Variants in FBXL7 observed in about 807,000 individuals in gnomAD.
FBXL7 encodes F-box and leucine rich repeat protein 7.
FBXL7 carries 12 observed loss-of-function variants against 38.3 expected under a neutral mutation model. The observed-to-expected ratio is 0.31, with a 90% CI of 0.20 to 0.51. FBXL7 has a LOEUF of 0.51. FBXL7 is among the 20% of genes least tolerant of loss of function. FBXL7 has a pLI of 0.98. For synonymous variants in FBXL7, 297 were observed against 300.9 expected, an observed-to-expected ratio of 0.99 and a Z score of 0.13; for missense variants, 567 against 676.4, an observed-to-expected ratio of 0.84 and a Z score of 1.79.
intron 2 of FBXL7, among the ~76,000 whole-genome samples, chr5:15,657,508 A>G (rs1251378360): frequency 6.6e-6 from 1 of 152,214 alleles, no homozygotes; most frequent in Non-Finnish European, 1.5e-5. Flanking sequence ...AATGAAATTG[A>G]GAGAACTGGC....
chr5:15,877,056 G>C (rs566983288), intron 2 of FBXL7, among the ~76,000 whole-genome samples: 5 of 152,256 alleles, frequency 3.3e-5, no homozygotes, highest in African/African-American at 1.2e-4. Flanking sequence ...AATTCAGAAA[G>C]GTCAGCTGGC....
chr5:15,906,324 T>C (rs186065303), intron 2 of FBXL7, among the ~76,000 whole-genome samples: 1 of 152,194 alleles, frequency 6.6e-6, no homozygotes, highest in East Asian at 1.9e-4. Flanking sequence ...TAAGTATCTT[T>C]CTAAAGAGAA....
intron 2 of FBXL7, among the ~76,000 whole-genome samples, chr5:15,755,213 A>C (rs75794191): frequency 0.01 from 1,534 of 152,330 alleles, 31 homozygotes; most frequent in African/African-American, 0.035. Flanking sequence ...AGGAGAAATT[A>C]AATTGTATTT....
intron 2 of FBXL7, among the ~76,000 whole-genome samples, chr5:15,739,180 C>T (rs1048181811): frequency 1.3e-5 from 2 of 152,116 alleles, no homozygotes; most frequent in African/African-American, 4.8e-5. Context: ...GGTTCTTCCC[C>T]GCATCTCCAG....
chr5:15,519,888 G>T (rs1178957598), intron 1 of FBXL7, among the ~76,000 whole-genome samples: 2 of 152,144 alleles, frequency 1.3e-5, no homozygotes, highest in Non-Finnish European at 2.9e-5. Flanking sequence ...AATTCAGGGC[G>T]AGTCCATACA....
chr5:15,595,975 A>G (rs915483375), intron 1 of FBXL7, among the ~76,000 whole-genome samples: 3 of 152,232 alleles, frequency 2.0e-5, no homozygotes, highest in African/African-American at 7.2e-5. Context: ...TGAAATAACA[A>G]GATCGCAGAA....
chr5:15,937,870 CCA>C lies in FBXL7; in HGVS notation c.*689_*690del, dbSNP rs1346088928. 6.6e-6 allele frequency: 1 copy of C among 152,428 alleles called. No homozygotes were observed. The highest frequency in any genetic ancestry group is 1.5e-5 in the Non-Finnish European group (1 of 68,310). The allele number at this position is 152,428 out of a possible 1,614,324, so 9.4% of individuals were successfully genotyped here. Reference sequence around the variant, plus strand: ...GCAGCTTCCAGCACTGAATCAGAGGCCACACAGCCCAAAGATTAGCTTCATGT... The same window carrying C: ...GCAGCTTCCAGCACTGAATCAGAGGCCACAGCCCAAAGATTAGCTTCATGT... On this transcript the variant is annotated 3_prime_UTR_variant, in exon 4 of 4. Coordinates refer to ENST00000504595, the MANE Select transcript of FBXL7 (RefSeq NM_012304.5).
intron 2 of FBXL7, among the ~76,000 whole-genome samples, chr5:15,735,035 G>C (rs146447373): frequency 1.7e-4 from 26 of 152,250 alleles, no homozygotes; most frequent in African/African-American, 6.0e-4. Flanking sequence ...GGGTTCAAGC[G>C]ATTCTCCTGC....
chr5:15,832,037 A>AAT (rs2126774742), intron 2 of FBXL7, among the ~76,000 whole-genome samples: 1 of 152,214 alleles, frequency 6.6e-6, no homozygotes, highest in South Asian at 2.1e-4. Flanking sequence ...TTGTGCTATA[A>AAT]ACTCTCTACT....
chr5:15,633,891 C>T (rs952756324), intron 2 of FBXL7, among the ~76,000 whole-genome samples: 1 of 151,928 alleles, frequency 6.6e-6, no homozygotes. Flanking sequence ...AGCAGTTCTC[C>T]TGCCTCAGCC....
rs188848639 is a variant in FBXL7 at position 15,915,247 on chromosome 5, C to G, written c.128-12643C>G. 2.1e-3 allele frequency among the ~76,000 whole-genome samples: 327 copies of G among 152,308 alleles called. 1 individual carries two copies. Among genetic ancestry groups the G allele is most frequent in the Non-Finnish European group, 3.9e-3 (263 of 68,024 alleles). ...GAAAGAGCTGTACTGGCTTCCTGGG[C>G]TGCTGTAACAAAATACTGCAAACTA... On this transcript the variant is annotated intron_variant, in intron 2 of 3. Transcript: ENST00000504595.
At chr5:15,586,188 C>T (rs919179241) in intron 1 of FBXL7, among the ~76,000 whole-genome samples, 1 of 151,966 alleles carries the variant, frequency 6.6e-6, no homozygotes, top group African/African-American at 2.4e-5. Flanking sequence ...GGTTTGGGAG[C>T]CAGCGTTAGC....
chr5:15,650,908 A>G (rs563022246), intron 2 of FBXL7, among the ~76,000 whole-genome samples: 2 of 152,224 alleles, frequency 1.3e-5, no homozygotes, highest in African/African-American at 4.8e-5. Flanking sequence ...CCTCAAAGCC[A>G]TCCATGAGGT....
At chr5:15,609,538 C>G (rs796678255) in intron 1 of FBXL7, among the ~76,000 whole-genome samples, 3 of 152,288 alleles carry the variant, frequency 2.0e-5, no homozygotes, top group African/African-American at 7.2e-5. Context: ...TTCCTAATGC[C>G]AAGTTCTGAC....
intron 3 of FBXL7, among the ~76,000 whole-genome samples, chr5:15,929,948 A>C (rs747369433): frequency 6.6e-6 from 1 of 152,218 alleles, no homozygotes; most frequent in Non-Finnish European, 1.5e-5. Flanking sequence ...CAAGCATCTG[A>C]GGCCAGTGAT....
intron 2 of FBXL7, among the ~76,000 whole-genome samples, chr5:15,760,436 A>G (rs553600932): frequency 2.0e-5 from 3 of 152,206 alleles, no homozygotes; most frequent in African/African-American, 7.2e-5. Flanking sequence ...CAAAAAAAAA[A>G]AAAAGAAAAA....
At chr5:15,665,477 T>C (rs1742240175) in intron 2 of FBXL7, among the ~76,000 whole-genome samples, 1 of 152,206 alleles carries the variant, frequency 6.6e-6, no homozygotes, top group African/African-American at 2.4e-5. Flanking sequence ...TTAGGTTGCT[T>C]TATGAGTTCA....
At chr5:15,588,896 C>G (rs958491936) in intron 1 of FBXL7, among the ~76,000 whole-genome samples, 1 of 152,114 alleles carries the variant, frequency 6.6e-6, no homozygotes, top group Non-Finnish European at 1.5e-5. Context: ...AATCCAACCT[C>G]TTTCTTTTTT....
intron 1 of FBXL7, among the ~76,000 whole-genome samples, chr5:15,603,629 C>G (rs773634621): frequency 1.3e-5 from 2 of 152,228 alleles, no homozygotes; most frequent in Non-Finnish European, 2.9e-5. Context: ...TCCTGGATCA[C>G]TCCAGTTATA....
Sources: gnomAD v4.1 joint callset for allele counts (sites outside exome capture counted in the v4.1 genomes callset) on GRCh38, gnomAD v4.1.1 for gene constraint, MANE v1.5 for transcripts, NCBI Gene and HGNC (gene_info 2026-07-23, HGNC 2026-07-21) for gene names.